NTM: variants seen among roughly 807,000 people sequenced by gnomAD.
NTM encodes IgLON family member 2.
Under a neutral mutation model 42.1 loss-of-function variants are expected in NTM, and 13 were observed. That is an observed-to-expected ratio of 0.31 (90% confidence interval 0.20 to 0.49). NTM has a LOEUF of 0.49. NTM is among the 20% of genes least tolerant of loss of function. The probability of loss-of-function intolerance (pLI) is 0.99; values close to 1 mark genes in which losing one functional copy is unlikely to be tolerated. For missense variants in NTM, 373 were observed against 452.8 expected, an observed-to-expected ratio of 0.82 and a Z score of 1.60; for synonymous variants, 187 against 179.2, an observed-to-expected ratio of 1.04 and a Z score of -0.35.
At chr11:131,673,366 T>C (rs1042360008) in intron 1 of NTM, among the ~76,000 whole-genome samples, 1 of 152,152 alleles carries the variant, frequency 6.6e-6, no homozygotes, top group Non-Finnish European at 1.5e-5. Flanking sequence ...TGGCCTTCTC[T>C]GAGCAGGGCA....
At chr11:131,993,563 T>A (rs1242209356) in intron 2 of NTM, among the ~76,000 whole-genome samples, 1 of 152,178 alleles carries the variant, frequency 6.6e-6, no homozygotes, top group Non-Finnish European at 1.5e-5. Flanking sequence ...AATGCTTTTG[T>A]AATCATTGTT....
At chr11:131,575,502 A>G (rs1379675908) in intron 1 of NTM, among the ~76,000 whole-genome samples, 1 of 151,238 alleles carries the variant, frequency 6.6e-6, no homozygotes, top group Non-Finnish European at 1.5e-5. Flanking sequence ...ACCGAAGCAT[A>G]GGAAGTGGCA....
At chr11:132,114,392 A>T (rs746297700) in intron 2 of NTM, among the ~76,000 whole-genome samples, 1 of 152,164 alleles carries the variant, frequency 6.6e-6, no homozygotes, top group Non-Finnish European at 1.5e-5. Context: ...ACGAGAGGGC[A>T]ATGCAGGGCA....
chr11:132,064,991 A>G (rs1016735756), intron 2 of NTM, among the ~76,000 whole-genome samples: 4 of 152,192 alleles, frequency 2.6e-5, no homozygotes, highest in Non-Finnish European at 5.9e-5. Flanking sequence ...TGTGTATGTT[A>G]AGATTCAAAG....
At chr11:131,588,127 G>GAGAT (rs1160796660) in intron 1 of NTM, among the ~76,000 whole-genome samples, 1 of 151,714 alleles carries the variant, frequency 6.6e-6, no homozygotes, top group East Asian at 1.9e-4. Flanking sequence ...CCGAGGCACA[G>GAGAT]ATTATTGTTA....
chr11:132,270,593 G>C (rs1369738948), intron 4 of NTM, among the ~76,000 whole-genome samples: 1 of 151,818 alleles, frequency 6.6e-6, no homozygotes, highest in Non-Finnish European at 1.5e-5. Context: ...TTTAGTTTAA[G>C]GTTATTATGA....
chr11:131,946,816 T>A (rs943896896), intron 2 of NTM, among the ~76,000 whole-genome samples: 4 of 152,244 alleles, frequency 2.6e-5, no homozygotes, highest in African/African-American at 9.6e-5. Context: ...TAAGGTTCCA[T>A]AACATATTTC....
chr11:132,055,673 G>C (rs946354749), intron 2 of NTM, among the ~76,000 whole-genome samples: 1 of 95,348 alleles, frequency 1.0e-5, no homozygotes, highest in Non-Finnish European at 2.5e-5. Context: ...GCGAGAGTGA[G>C]AGAGAGAGAC....
intron 1 of NTM, among the ~76,000 whole-genome samples, chr11:131,830,939 T>A (rs1245636163): frequency 6.6e-6 from 1 of 152,196 alleles, no homozygotes; most frequent in African/African-American, 2.4e-5. Context: ...GCAGCTATTG[T>A]AAATGGGATT....
intron 1 of NTM, among the ~76,000 whole-genome samples, chr11:131,780,136 G>T (rs1254443708): frequency 1.3e-5 from 2 of 152,180 alleles, no homozygotes; most frequent in Non-Finnish European, 2.9e-5. Flanking sequence ...TAACAACATA[G>T]CCAAATCCAT....
chr11:132,104,935 A>ACGTGTGTGTGTGTG (rs1555263244), intron 2 of NTM, among the ~76,000 whole-genome samples: 8 of 20,006 alleles, frequency 4.0e-4, no homozygotes, highest in African/African-American at 1.3e-3. Flanking sequence ...ATATATACAT[A>ACGTGTGTGTGTGTG]TGTATATATA....
chr11:132,076,937 A>G (rs1262236752), intron 2 of NTM, among the ~76,000 whole-genome samples: 1 of 152,316 alleles, frequency 6.6e-6, no homozygotes, highest in East Asian at 1.9e-4. Flanking sequence ...TTTCCAAAAC[A>G]TAACAGAATC....
At chr11:131,476,898 G>A (rs190460430) in intron 1 of NTM, among the ~76,000 whole-genome samples, 26 of 152,080 alleles carry the variant, frequency 1.7e-4, no homozygotes, top group African/African-American at 6.0e-4. Context: ...ACCATACCCC[G>A]GATAAGTTTT....
chr11:131,993,579 A>C (rs1257154062), intron 2 of NTM, among the ~76,000 whole-genome samples: 1 of 152,332 alleles, frequency 6.6e-6, no homozygotes, highest in African/African-American at 2.4e-5. Context: ...TTGTTTGCAA[A>C]TGATAGATGA....
At chr11:131,423,666 G>A (rs1036064539) in intron 1 of NTM, among the ~76,000 whole-genome samples, 9 of 152,180 alleles carry the variant, frequency 5.9e-5, no homozygotes, top group African/African-American at 1.7e-4. Flanking sequence ...GCTGACAGTC[G>A]TGAAAAAGCT....
chr11:131,707,387 A>G (rs2076696956), intron 1 of NTM, among the ~76,000 whole-genome samples: 1 of 152,116 alleles, frequency 6.6e-6, no homozygotes, highest in Admixed American at 6.5e-5. Context: ...TTCTTTATTC[A>G]TTCATCCATT....
chr11:131,940,161 G>A lies in NTM; in HGVS notation c.167+28513G>A, dbSNP rs1010293774. On this transcript the variant is annotated intron_variant, in intron 2 of 8. Transcript: ENST00000683400. ...TGACGATTCTGCAGAGATCTGGCTT[G>A]TCTTTACATTACATCTCTAACCTGG... 3.0e-4 allele frequency among the ~76,000 whole-genome samples: 45 copies of A among 152,346 alleles called. 1 individual carries two copies. Among genetic ancestry groups the A allele is most frequent in the African/African-American group, 1.1e-3 (45 of 41,574 alleles).
At chr11:131,989,023 C>T (rs1469575846) in intron 2 of NTM, among the ~76,000 whole-genome samples, 4 of 152,058 alleles carry the variant, frequency 2.6e-5, no homozygotes, top group African/African-American at 9.7e-5. Context: ...ACCTTCTGCA[C>T]CAGTTTTTGT....
At chr11:132,076,154 C>CT (rs2058335174) in intron 2 of NTM, among the ~76,000 whole-genome samples, 1 of 152,140 alleles carries the variant, frequency 6.6e-6, no homozygotes, top group African/African-American at 2.4e-5. Flanking sequence ...CCAAATACTT[C>CT]TTTTTTTAAT....
Sources: gnomAD v4.1 joint callset for allele counts (sites outside exome capture counted in the v4.1 genomes callset) on GRCh38, gnomAD v4.1.1 for gene constraint, MANE v1.5 for transcripts, NCBI Gene and HGNC (gene_info 2026-07-23, HGNC 2026-07-21) for gene names.